Variants in SPIDR observed in about 807,000 individuals in gnomAD.
SPIDR encodes DNA repair-scaffolding protein.
SPIDR carries 93 observed loss-of-function variants against 104.6 expected under a neutral mutation model. That is an observed-to-expected ratio of 0.89 (90% CI 0.75 to 1.06). The LOEUF is 1.06. SPIDR is among the 50% of genes least tolerant of loss of function. The pLI, the probability that SPIDR is intolerant of heterozygous loss-of-function variation, is 0.00. For missense variants in SPIDR, 1,154 were observed against 1,111.2 expected, an observed-to-expected ratio of 1.04 and a Z score of -0.55; for synonymous variants, 431 against 416.9, an observed-to-expected ratio of 1.03 and a Z score of -0.41.
chr8:47,635,414 G>A (rs2067746514), intron 10 of SPIDR, among the ~76,000 whole-genome samples: 1 of 152,102 alleles, frequency 6.6e-6, no homozygotes, highest in Admixed American at 6.5e-5. Context: ...ATGCTTGAGG[G>A]ATACCCCATC....
At chr8:47,323,561 T>C (rs1210923424) in intron 5 of SPIDR, among the ~76,000 whole-genome samples, 2 of 152,216 alleles carry the variant, frequency 1.3e-5, no homozygotes, top group Non-Finnish European at 2.9e-5. Context: ...CCATTCTACC[T>C]CTCACTGAAT....
chr8:47,556,641 C>G (rs1006960647), intron 8 of SPIDR, among the ~76,000 whole-genome samples: 1 of 151,784 alleles, frequency 6.6e-6, no homozygotes, highest in Non-Finnish European at 1.5e-5. Flanking sequence ...TTTGTTTTGC[C>G]CAGAGTGGAG....
At chr8:47,726,684 G>A (rs1048363458) in intron 16 of SPIDR, among the ~76,000 whole-genome samples, 5 of 152,162 alleles carry the variant, frequency 3.3e-5, no homozygotes, top group Admixed American at 6.5e-5. Flanking sequence ...AGGTGTCTTT[G>A]ACACACGTCT....
At chr8:47,445,190 T>G (rs1189825942) in intron 8 of SPIDR, among the ~76,000 whole-genome samples, 1 of 152,180 alleles carries the variant, frequency 6.6e-6, no homozygotes, top group Non-Finnish European at 1.5e-5. Flanking sequence ...CAACCCTGAA[T>G]CCAACAAGTC....
chr8:47,511,957 C>A, intron 8 of SPIDR: 1 of 786,950 alleles, frequency 1.3e-6, no homozygotes, highest in Non-Finnish European at 2.3e-6. Flanking sequence ...GGCTGTGCCT[C>A]TGGACACTGA....
At chr8:47,616,788 AT>A (rs1348799524) in intron 10 of SPIDR, among the ~76,000 whole-genome samples, 1 of 152,252 alleles carries the variant, frequency 6.6e-6, no homozygotes, top group East Asian at 1.9e-4. Flanking sequence ...TGACACATAC[AT>A]AACAATTAAT....
intron 10 of SPIDR, among the ~76,000 whole-genome samples, chr8:47,666,260 A>T (rs7822320): frequency 0.12 from 18,167 of 152,250 alleles, 1,645 homozygotes; most frequent in African/African-American, 0.22. Flanking sequence ...CAGTAGCCAC[A>T]TATGGCTAGT....
At chr8:47,624,801 C>T (rs2065778472) in intron 10 of SPIDR, among the ~76,000 whole-genome samples, 1 of 152,116 alleles carries the variant, frequency 6.6e-6, no homozygotes. Context: ...CGAATTCTAC[C>T]AGAGGTACAA....
At chr8:47,410,763 CTCGTCATTTAGCATTA>C (rs2063403276) in intron 7 of SPIDR, among the ~76,000 whole-genome samples, 2 of 152,090 alleles carry the variant, frequency 1.3e-5, no homozygotes, top group African/African-American at 4.8e-5. Context: ...CACCCATTAA[CTCGTCATTTAGCATTA>C]CATATATCTC....
At chr8:47,265,263 C>T (rs868930075) in intron 1 of SPIDR, among the ~76,000 whole-genome samples, 12 of 148,114 alleles carry the variant, frequency 8.1e-5, no homozygotes, top group African/African-American at 2.8e-4. Flanking sequence ...TATCATGGCT[C>T]ACTGCAGTCT....
intron 10 of SPIDR, among the ~76,000 whole-genome samples, chr8:47,649,700 A>G (rs2071252061): frequency 2.0e-5 from 3 of 152,296 alleles, no homozygotes; most frequent in Non-Finnish European, 4.4e-5. Context: ...TCATGTCAAG[A>G]AGTTACCCTC....
intron 19 of SPIDR, among the ~76,000 whole-genome samples, chr8:47,733,171 G>A (rs892432656): frequency 7.2e-5 from 11 of 152,190 alleles, no homozygotes; most frequent in African/African-American, 2.7e-4. Context: ...CAGATCACCT[G>A]AGGTCAAGAG....
chr8:47,389,346 T>C (rs530134267), intron 5 of SPIDR, among the ~76,000 whole-genome samples: 2 of 152,108 alleles, frequency 1.3e-5, no homozygotes, highest in Non-Finnish European at 2.9e-5. Context: ...GTTCTTGAAA[T>C]TCATCATTTG....
rs966392851 is a variant in SPIDR at position 47,494,591 on chromosome 8, C to T, written c.1097+54049C>T. On this transcript the variant is annotated intron_variant, in intron 8 of 19. Coordinates refer to ENST00000297423, the MANE Select transcript of SPIDR (RefSeq NM_001080394.4). ...GTCTCTGATTTGATCAGAAACAATA[C>T]GGCTTAGGATACTAGATTTTACAAG... 5.3e-5 allele frequency among the ~76,000 whole-genome samples: 8 copies of T among 151,944 alleles called. No homozygotes were observed. In the East Asian group the frequency reaches 7.7e-4, roughly 15 times the overall value.
intron 16 of SPIDR, among the ~76,000 whole-genome samples, chr8:47,720,270 A>G (rs564937285): frequency 3.1e-4 from 47 of 152,310 alleles, no homozygotes; most frequent in African/African-American, 1.1e-3. Context: ...AGTTTTGGCA[A>G]TTATTAATGA....
intron 2 of SPIDR, 87 bp from the exon 3 acceptor site, chr8:47,283,941 G>A (rs2038310776): frequency 6.4e-6 from 6 of 936,062 alleles, no homozygotes; most frequent in Non-Finnish European, 9.9e-6. Flanking sequence ...ATGTTAAGGA[G>A]AGTGTAGTTT....
At chr8:47,592,121 GC>G in intron 8 of SPIDR, 2 of 1,379,810 alleles carry the variant, frequency 1.4e-6, no homozygotes, top group South Asian at 2.4e-5. Flanking sequence ...GAGAAGTGAT[GC>G]ACACTTGATG....
chr8:47,374,073 C>T (rs2058369483), intron 5 of SPIDR, among the ~76,000 whole-genome samples: 1 of 152,136 alleles, frequency 6.6e-6, no homozygotes, highest in Non-Finnish European at 1.5e-5. Context: ...ACTGAGACGT[C>T]TTTTTTTCTC....
chr8:47,463,131 A>G (rs976127768), intron 8 of SPIDR, among the ~76,000 whole-genome samples: 1 of 151,922 alleles, frequency 6.6e-6, no homozygotes, highest in Non-Finnish European at 1.5e-5. Context: ...GGCTGAGGCA[A>G]GCGGATCATG....
Sources: allele counts gnomAD v4.1 joint callset (sites outside exome capture counted in the v4.1 genomes callset), GRCh38; gene constraint gnomAD v4.1.1; transcripts MANE v1.5; gene names NCBI Gene and HGNC (gene_info 2026-07-23, HGNC 2026-07-21).